Variants in RPS6KA2 observed in about 807,000 individuals in gnomAD.
RPS6KA2 encodes ribosomal protein S6 kinase alpha-2.
A neutral mutation model predicts 91.8 loss-of-function variants in RPS6KA2; 42 were observed. The ratio of observed to expected loss-of-function variants is 0.46; its 90% confidence interval spans 0.36 to 0.59. The LOEUF (loss-of-function observed/expected upper bound fraction) is 0.59, where lower values mean the gene tolerates loss of function less well. RPS6KA2 is among the 20% of genes least tolerant of loss of function. RPS6KA2 has a pLI of 0.00. For missense variants in RPS6KA2, 798 were observed against 978.5 expected (o/e 0.82, Z 2.46); for synonymous variants, 414 against 393.6 (o/e 1.05, Z -0.61).
At chr6:166,544,373 C>G (rs1038202767) in intron 1 of RPS6KA2, among the ~76,000 whole-genome samples, 14 of 152,274 alleles carry the variant, frequency 9.2e-5, no homozygotes, top group Admixed American at 2.6e-4. Flanking sequence ...GAACAGCCCC[C>G]GGAGAGCGAG....
chr6:166,466,903 TTC>T (rs1780550953), intron 11 of RPS6KA2, among the ~76,000 whole-genome samples: 1 of 63,130 alleles, frequency 1.6e-5, no homozygotes, highest in Non-Finnish European at 2.7e-5. Flanking sequence ...CACTCCCTCA[TTC>T]ACTCATTCCT....
intron 2 of RPS6KA2, among the ~76,000 whole-genome samples, chr6:166,741,997 G>A (rs902374325): frequency 7.9e-5 from 12 of 152,222 alleles, no homozygotes; most frequent in African/African-American, 1.4e-4. Flanking sequence ...GCATGGTGGC[G>A]GGCGCCTGTA....
intron 1 of RPS6KA2, among the ~76,000 whole-genome samples, chr6:166,556,332 T>C (rs1443112706): frequency 2.6e-5 from 4 of 152,242 alleles, no homozygotes; most frequent in African/African-American, 4.8e-5. Flanking sequence ...TAGATGTTAC[T>C]ACATTTTCAT....
intron 1 of RPS6KA2, among the ~76,000 whole-genome samples, chr6:166,591,408 TCTTGACTTGGAAACATGTGA>T (rs1239003238): frequency 6.6e-6 from 1 of 152,054 alleles, no homozygotes; most frequent in African/African-American, 2.4e-5. Flanking sequence ...GTGTTGCATG[TCTTGACTTGGAAACATGTGA>T]CTTGACTTGG....
chr6:166,569,295 G>A (rs1784607385), intron 1 of RPS6KA2, among the ~76,000 whole-genome samples: 1 of 152,168 alleles, frequency 6.6e-6, no homozygotes, highest in Non-Finnish European at 1.5e-5. Context: ...TCTTCTGAGC[G>A]ACCTCTCCAC....
intron 2 of RPS6KA2, among the ~76,000 whole-genome samples, chr6:166,753,753 A>T (rs1315333745): frequency 2.0e-5 from 3 of 152,362 alleles, no homozygotes; most frequent in African/African-American, 7.2e-5. Flanking sequence ...GTTGTTAAAC[A>T]GTCATTAGCA....
chr6:166,777,203 C>T lies in RPS6KA2; in HGVS notation c.123+80997G>A, dbSNP rs1459549263. Reference sequence around the variant, plus strand: ...CAGCTGAGAAGAGGACGGGAGACATCGAACTTGTCCTGGGCTCAGGTTAAC... The same window carrying T: ...CAGCTGAGAAGAGGACGGGAGACATTGAACTTGTCCTGGGCTCAGGTTAAC... On this transcript the variant is annotated intron_variant, in intron 2 of 21. Transcript: ENST00000503859. 2.6e-5 allele frequency among the ~76,000 whole-genome samples: 4 copies of T among 152,206 alleles called. No individual in the cohort carries two copies. In the East Asian group the frequency reaches 5.8e-4, roughly 22 times the overall value.
rs552253424 is a variant in RPS6KA2 at position 166,723,336 on chromosome 6, G to A, written c.123+134864C>T. On this transcript the variant is annotated intron_variant, in intron 2 of 21. Transcript: ENST00000503859. ...TAGGCCCCCCAGATGGTGTGGGAGC[G>A]ACAGAACATGAATGCACTGCCTTCC... is the stretch of plus-strand genomic sequence containing the variant. Among the ~76,000 whole-genome samples, 3 of 152,334 alleles carry A rather than the reference G, an allele frequency of 2.0e-5. No individual in the cohort carries two copies. In the South Asian group the frequency reaches 6.2e-4, roughly 32 times the overall value.
intron 2 of RPS6KA2, among the ~76,000 whole-genome samples, chr6:166,536,838 A>G (rs1226591445): frequency 1.3e-5 from 2 of 152,252 alleles, no homozygotes; most frequent in Non-Finnish European, 2.9e-5. Flanking sequence ...AGACACAAGT[A>G]AAGATAAAAT....
chr6:166,413,829 T>G lies in RPS6KA2; in HGVS notation c.2041A>C (p.Asn681His). ...WVVNREYLSP[N>H]QLSRQDVHLV... ...TGCACGTCCTGTCGGCTGAGCTGGTTTGGGGACAGGTACTCTCTGTTGACC... is the reference window on the plus strand; with the variant it reads ...TGCACGTCCTGTCGGCTGAGCTGGTGTGGGGACAGGTACTCTCTGTTGACC... Residue 681 changes from asparagine (N) to histidine (H), a missense_variant, in exon 20 of 21, where the codon AAC (asparagine) becomes CAC (histidine). By Grantham distance (68) the Asn-to-His change is moderately conservative (BLOSUM62 1). Transcript: ENST00000265678. 1 of 1,614,186 alleles carries G rather than the reference T, an allele frequency of 6.2e-7. No individual in the cohort carries two copies.
At chr6:166,684,832 C>A (rs913280526) in intron 2 of RPS6KA2, among the ~76,000 whole-genome samples, 1 of 152,230 alleles carries the variant, frequency 6.6e-6, no homozygotes, top group Non-Finnish European at 1.5e-5. Context: ...AAATTCTGAA[C>A]CTACTTTTTA....
intron 2 of RPS6KA2, among the ~76,000 whole-genome samples, chr6:166,683,129 C>G (rs1452081043): frequency 6.6e-6 from 1 of 152,170 alleles, no homozygotes; most frequent in Non-Finnish European, 1.5e-5. Context: ...GCTCAGGGGT[C>G]ACAACATGCA....
chr6:166,446,920 A>G (rs1308257976), intron 14 of RPS6KA2, among the ~76,000 whole-genome samples: 1 of 152,236 alleles, frequency 6.6e-6, no homozygotes, highest in African/African-American at 2.4e-5. Flanking sequence ...ATGTAGGCTT[A>G]CGAAGCACAT....
At chr6:166,426,245 T>G (rs1778913872) in intron 16 of RPS6KA2, among the ~76,000 whole-genome samples, 1 of 148,542 alleles carries the variant, frequency 6.7e-6, no homozygotes, top group African/African-American at 2.5e-5. Flanking sequence ...AGATGTTCTT[T>G]GAAACCAACG....
At chr6:166,605,312 A>G (rs150640153) in intron 1 of RPS6KA2, among the ~76,000 whole-genome samples, 615 of 152,330 alleles carry the variant, frequency 4.0e-3, no homozygotes, top group African/African-American at 0.012. Context: ...ATTTCAAGAC[A>G]ATGACTCTTA....
At chr6:166,539,005 G>C (rs922924954) in intron 1 of RPS6KA2, among the ~76,000 whole-genome samples, 2 of 151,348 alleles carry the variant, frequency 1.3e-5, no homozygotes, top group African/African-American at 4.9e-5. Context: ...GCTGGATCTC[G>C]GCTCACTGCA....
In RPS6KA2 at chr6:166,754,160, C is replaced by T. The variant is rs1458229872; in HGVS notation, c.123+104040G>A. ...TCACCTATTTTTGCATTTCCCACAT[C>T]ATGTATGTTGGAAGAATCTTGAATA... On this transcript the variant is annotated intron_variant, in intron 2 of 21. Transcript: ENST00000503859. Among the ~76,000 whole-genome samples, 3 of 152,198 alleles carry T rather than the reference C, an allele frequency of 2.0e-5. No homozygotes were observed. In the East Asian group the frequency reaches 5.8e-4, roughly 29 times the overall value.
At chr6:166,472,079 C>G (rs1345663060) in intron 10 of RPS6KA2, among the ~76,000 whole-genome samples, 1 of 152,194 alleles carries the variant, frequency 6.6e-6, no homozygotes, top group African/African-American at 2.4e-5. Flanking sequence ...CTTCTGGTCA[C>G]GATGATTAAC....
At position 166,554,059 on chromosome 6, in the gene RPS6KA2, G is replaced by A. The variant is rs1053953517; in HGVS notation, c.100-15275C>T. 1.3e-5 allele frequency among the ~76,000 whole-genome samples: 2 copies of A among 152,168 alleles called. No individual in the cohort carries two copies. Among genetic ancestry groups the A allele is most frequent in the Non-Finnish European group, 2.9e-5 (2 of 68,032 alleles). On this transcript the variant is annotated intron_variant, in intron 1 of 20. Coordinates refer to ENST00000265678, the MANE Select transcript of RPS6KA2 (RefSeq NM_021135.6). This position sits in a 1 kb window ranked among gnomAD's most constrained non-coding sequence, Gnocchi z 4.3. ...GGAAACTGCACCAAACCCTGTGTGT[G>A]TATCTGTCTATCTGTCTGTCCAGGC...
Sources: gnomAD v4.1 joint callset for allele counts (sites outside exome capture counted in the v4.1 genomes callset) on GRCh38, gnomAD v4.1.1 for gene constraint, Gnocchi (gnomAD v3.1) non-coding constraint, MANE v1.5 for transcripts, NCBI Gene and HGNC (gene_info 2026-07-23, HGNC 2026-07-21) for gene names.